The following GPT2 variants were observed in gnomAD, a reference collection of about 807,000 sequenced individuals.
The protein encoded by GPT2 is alanine aminotransferase 2.
A neutral mutation model predicts 56.9 loss-of-function variants in GPT2; 30 were observed. The ratio of observed to expected loss-of-function variants is 0.53; its 90% CI spans 0.39 to 0.72. The LOEUF (loss-of-function observed/expected upper bound fraction) is 0.72. Ranked by LOEUF, GPT2 falls within the 30% of genes least tolerant of loss-of-function variation. The pLI is 0.00. For missense variants in GPT2, 542 were observed against 703.4 expected (o/e 0.77, Z 2.60); for synonymous variants, 271 against 283.1 (o/e 0.96, Z 0.43).
intron 3 of GPT2, among the ~76,000 whole-genome samples, chr16:46,898,362 C>T (rs1014386262): frequency 2.0e-5 from 3 of 152,086 alleles, no homozygotes; most frequent in African/African-American, 7.2e-5. Context: ...AAGGCGGCTT[C>T]CATGTTTCAG....
intron 6 of GPT2, among the ~76,000 whole-genome samples, chr16:46,912,976 G>A (rs113106297): frequency 2.6e-5 from 4 of 152,298 alleles, no homozygotes; most frequent in South Asian, 2.1e-4. Flanking sequence ...GCCCAGCCTC[G>A]AAAGGTACTT....
At position 46,906,850 on chromosome 16, in the gene GPT2, A is replaced by G. The variant is rs1960940266; in HGVS notation, c.451A>G (p.Ser151Gly). 3 of 1,614,180 alleles carry G rather than the reference A, an allele frequency of 1.9e-6. No individual in the cohort carries two copies. Among genetic ancestry groups the G allele is most frequent in the Non-Finnish European group, 2.5e-6 (3 of 1,180,042 alleles). ...TGCCTGCTGTCTTACAGGGTCCTAC[A>G]GTGCTAGCCAGGGTGTCAACTGCAT... Reference protein sequence around the residue: ...ACGGNSLGSYSASQGVNCIRE... With the variant: ...ACGGNSLGSYGASQGVNCIRE... The change falls in exon 5 of 12, where the codon AGT becomes GGT. Residue 151 changes from serine to glycine, a missense_variant. By Grantham distance (56) the Ser-to-Gly change is moderately conservative (BLOSUM62 0). Transcript: ENST00000340124.
chr16:46,907,491 G>A (rs1040873491), intron 5 of GPT2, among the ~76,000 whole-genome samples: 7 of 152,218 alleles, frequency 4.6e-5, no homozygotes, highest in Non-Finnish European at 1.0e-4. Flanking sequence ...AAGGAAGGCC[G>A]AGTAGACACC....
At chr16:46,913,982 A>C (rs1961094165) in intron 6 of GPT2, among the ~76,000 whole-genome samples, 1 of 152,230 alleles carries the variant, frequency 6.6e-6, no homozygotes, top group South Asian at 2.1e-4. Context: ...ACACACACTT[A>C]GATATATATG....
chr16:46,926,046 G>C (rs1307118495), intron 10 of GPT2, among the ~76,000 whole-genome samples: 1 of 146,374 alleles, frequency 6.8e-6, no homozygotes, highest in African/African-American at 2.6e-5. Flanking sequence ...AGGGAGAATC[G>C]CTTAAACCCG....
At chr16:46,906,780 T>C (rs1960938651) in intron 4 of GPT2, 62 bp from the exon 5 acceptor site, 1 of 1,595,014 alleles carries the variant, frequency 6.3e-7, no homozygotes, top group South Asian at 1.1e-5. Flanking sequence ...GGATGTTAAT[T>C]ATATTGACCC....
At chr16:46,898,956 G>GTA (rs1960750519) in intron 3 of GPT2, among the ~76,000 whole-genome samples, 3 of 89,506 alleles carry the variant, frequency 3.4e-5, no homozygotes, top group African/African-American at 8.5e-5. Flanking sequence ...ACATATATGT[G>GTA]TATATATATA....
At chr16:46,885,601 T>C (rs1453329187) in intron 2 of GPT2, 1 of 949,602 alleles carries the variant, frequency 1.1e-6, no homozygotes, top group East Asian at 1.2e-4. Context: ...GAGTTGGGCC[T>C]GTCGGGCTTT....
chr16:46,925,751 G>A (rs1207205143), intron 10 of GPT2, among the ~76,000 whole-genome samples: 1 of 152,136 alleles, frequency 6.6e-6, no homozygotes, highest in Non-Finnish European at 1.5e-5. Flanking sequence ...CTGAGCCTGG[G>A]AGGTTGCGGC....
intron 2 of GPT2, among the ~76,000 whole-genome samples, chr16:46,886,266 A>T (rs1401876464): frequency 6.6e-6 from 1 of 152,158 alleles, no homozygotes; most frequent in East Asian, 1.9e-4. Flanking sequence ...GCCCTCCTTG[A>T]CGCAACAGCC....
intron 7 of GPT2, among the ~76,000 whole-genome samples, chr16:46,917,698 GCATACACACACAGA>G (rs1961196564): frequency 1.3e-5 from 2 of 151,446 alleles, no homozygotes; most frequent in Non-Finnish European, 2.9e-5. Context: ...ACACACACAC[GCATACACACACAGA>G]CATACACACA....
At chr16:46,901,731 G>T (rs1042586126) in intron 4 of GPT2, among the ~76,000 whole-genome samples, 2 of 151,840 alleles carry the variant, frequency 1.3e-5, no homozygotes, top group African/African-American at 2.4e-5. Context: ...TTTCTGCTCC[G>T]TCCCTTATTG....
chr16:46,902,429 G>C (rs2143429343), intron 4 of GPT2, among the ~76,000 whole-genome samples: 1 of 152,256 alleles, frequency 6.6e-6, no homozygotes, highest in South Asian at 2.1e-4. Context: ...GCCCATTCCA[G>C]GGGGCAGGAC....
intron 2 of GPT2, chr16:46,885,322 T>C: frequency 1.1e-6 from 1 of 939,186 alleles, no homozygotes; most frequent in Non-Finnish European, 1.3e-6. Context: ...TGATAAGTTC[T>C]TGGAAAAAAG....
At chr16:46,900,847 G>GC in intron 4 of GPT2, 57 bp downstream of exon 4, 1 of 1,463,230 alleles carries the variant, frequency 6.8e-7, no homozygotes, top group Non-Finnish European at 9.6e-7. Flanking sequence ...TTCCCAGGCG[G>GC]CCCCAGCCTC....
Position 46,896,709 on chromosome 16 carries a change from C to T in GPT2, c.244-939C>T, listed in dbSNP as rs183960180. 2.5e-3 allele frequency among the ~76,000 whole-genome samples: 379 copies of T among 152,264 alleles called. 2 individuals carry two copies. The highest frequency in any genetic ancestry group is 4.0e-3 in the Non-Finnish European group (269 of 68,010). Reference sequence around the variant, plus strand: ...CTGCCTCCCTCCCACACATCTGGCCCGGAGCTGCCTTTTAGACTTCCCTGT... The same window carrying T: ...CTGCCTCCCTCCCACACATCTGGCCTGGAGCTGCCTTTTAGACTTCCCTGT... On this transcript the variant is annotated intron_variant, in intron 2 of 11. Coordinates refer to ENST00000340124, the MANE Select transcript of GPT2 (RefSeq NM_133443.4).
chr16:46,910,126 A>C (rs1961017366), intron 6 of GPT2, among the ~76,000 whole-genome samples, 199 bp downstream of exon 6: 1 of 152,140 alleles, frequency 6.6e-6, no homozygotes, highest in Non-Finnish European at 1.5e-5. Context: ...CATGCCTGTA[A>C]TCCCAGCACT....
intron 8 of GPT2, among the ~76,000 whole-genome samples, chr16:46,920,049 A>C (rs1356229207): frequency 6.6e-6 from 1 of 152,168 alleles, no homozygotes; most frequent in Non-Finnish European, 1.5e-5. Flanking sequence ...TCTACAAAAA[A>C]ATGTTTTAAA....
At chr16:46,915,632 C>T (rs1245262890) in intron 6 of GPT2, 1 of 148,958 alleles carries the variant, frequency 6.7e-6, no homozygotes, top group South Asian at 2.2e-4. Context: ...CACACATACC[C>T]CACCACACCT....
Sources: gnomAD v4.1 joint callset for allele counts (sites outside exome capture counted in the v4.1 genomes callset) on GRCh38, gnomAD v4.1.1 for gene constraint, MANE v1.5 for transcripts, NCBI Gene and HGNC (gene_info 2026-07-23, HGNC 2026-07-21) for gene names.